NXPH1: variants seen among roughly 807,000 people sequenced by gnomAD.
The protein encoded by NXPH1 is neurexophilin 1.
In NXPH1, 5 loss-of-function variants were observed where a neutral mutation model predicts 23.7. The observed-to-expected ratio is 0.21, with a 90% CI of 0.11 to 0.44. NXPH1 has a LOEUF of 0.44. Among genes scored for constraint, NXPH1 ranks in the 20% least tolerant of loss-of-function variants. NXPH1 has a pLI of 0.99. For synonymous variants in NXPH1, 144 were observed against 122.2 expected (o/e 1.18, Z -1.18); for missense variants, 324 against 321.6 (o/e 1.01, Z -0.06).
At chr7:8,534,046 A>T (rs1817990147) in intron 2 of NXPH1, among the ~76,000 whole-genome samples, 1 of 152,154 alleles carries the variant, frequency 6.6e-6, no homozygotes, top group South Asian at 2.1e-4. Context: ...TGATGCCAAA[A>T]CTTATTAGTT....
intron 2 of NXPH1, among the ~76,000 whole-genome samples, chr7:8,487,576 T>TC: frequency 6.6e-6 from 1 of 152,152 alleles, no homozygotes; most frequent in Non-Finnish European, 1.5e-5. Context: ...CTCTTGTCCT[T>TC]CCATTTTATC....
At chr7:8,688,673 TGG>T (rs551188459) in intron 2 of NXPH1, among the ~76,000 whole-genome samples, 136 of 152,310 alleles carry the variant, frequency 8.9e-4, no homozygotes, top group Non-Finnish European at 1.6e-3. Context: ...TATAAGGCTT[TGG>T]CACTCATCAG....
intron 2 of NXPH1, among the ~76,000 whole-genome samples, chr7:8,692,092 G>T (rs1375467157): frequency 6.6e-6 from 1 of 151,780 alleles, no homozygotes; most frequent in African/African-American, 2.4e-5. Flanking sequence ...AGGGAGGTTG[G>T]AGTGAGCAGA....
At chr7:8,749,225 G>A (rs1232774209) in intron 2 of NXPH1, among the ~76,000 whole-genome samples, 1 of 152,104 alleles carries the variant, frequency 6.6e-6, no homozygotes, top group Non-Finnish European at 1.5e-5. Flanking sequence ...CTGTTCTAAA[G>A]GTTTTACCTG....
At chr7:8,713,744 A>G (rs1314842235) in intron 2 of NXPH1, among the ~76,000 whole-genome samples, 1 of 152,210 alleles carries the variant, frequency 6.6e-6, no homozygotes, top group Non-Finnish European at 1.5e-5. Context: ...GGTCTTGGAT[A>G]AGATCCAGAA....
chr7:8,598,711 A>G (rs1819286388), intron 2 of NXPH1, among the ~76,000 whole-genome samples: 1 of 152,148 alleles, frequency 6.6e-6, no homozygotes, highest in Non-Finnish European at 1.5e-5. Context: ...TATCTCTGTT[A>G]TTATTGTCAT....
Position 8,669,240 on chromosome 7 carries a change from C to A in NXPH1, c.55-81768C>A, listed in dbSNP as rs143514100. 2.4e-3 allele frequency among the ~76,000 whole-genome samples: 362 copies of A among 152,282 alleles called. 4 individuals carry two copies. Among genetic ancestry groups the A allele is most frequent in the African/African-American group, 8.1e-3 (335 of 41,552 alleles). On this transcript the variant is annotated intron_variant, in intron 2 of 2. Coordinates refer to ENST00000405863, the MANE Select transcript of NXPH1 (RefSeq NM_152745.3). ...CGTCCATGGGTGCCAGCCTAGGTCC[C>A]AAGACCAGGAGTGCTTAGCTAGCCC...
At chr7:8,700,516 T>C (rs1779609079) in intron 2 of NXPH1, among the ~76,000 whole-genome samples, 1 of 152,168 alleles carries the variant, frequency 6.6e-6, no homozygotes, top group Non-Finnish European at 1.5e-5. Flanking sequence ...CGGCCTATTA[T>C]AGAGATAAGT....
At chr7:8,503,430 C>A (rs1007448944) in intron 2 of NXPH1, among the ~76,000 whole-genome samples, 1 of 151,962 alleles carries the variant, frequency 6.6e-6, no homozygotes, top group Admixed American at 6.6e-5. Context: ...TTGCATTATC[C>A]TGTGACTTTA....
At chr7:8,675,289 G>A (rs2882245) in intron 2 of NXPH1, among the ~76,000 whole-genome samples, 121,785 of 151,736 alleles carry the variant, frequency 0.8, 49,568 homozygotes, top group East Asian at 1. Context: ...TGTAACATCT[G>A]TTTAATAATT....
rs1436942050 is a variant in NXPH1, at chr7:8,442,036, C to T, written c.54+6269C>T. Reference sequence around the variant, plus strand: ...TTCGGGGTGGTGGAAAGCGAGATGGCGTTGGGAGCCAGGGCGTTGGGACGG... The same window carrying T: ...TTCGGGGTGGTGGAAAGCGAGATGGTGTTGGGAGCCAGGGCGTTGGGACGG... On this transcript the variant is annotated intron_variant, in intron 2 of 2. Coordinates refer to ENST00000405863, the MANE Select transcript of NXPH1 (RefSeq NM_152745.3). The surrounding 1 kb of genome is among the most constrained non-coding windows in gnomAD (Gnocchi z 4.6). 6.6e-6 allele frequency among the ~76,000 whole-genome samples: 1 copy of T among 152,016 alleles called. No homozygotes were observed. Among genetic ancestry groups the T allele is most frequent in the African/African-American group, 2.4e-5 (1 of 41,398 alleles).
At chr7:8,632,195 C>T (rs4410795) in intron 2 of NXPH1, among the ~76,000 whole-genome samples, 41,888 of 151,914 alleles carry the variant, frequency 0.28, 6,238 homozygotes, top group African/African-American at 0.35. Context: ...TTTCTTCCTC[C>T]AATTAATTTA....
At chr7:8,524,282 C>G (rs1235417507) in intron 2 of NXPH1, among the ~76,000 whole-genome samples, 1 of 143,896 alleles carries the variant, frequency 6.9e-6, no homozygotes, top group Non-Finnish European at 1.5e-5. Flanking sequence ...TATTTTCATA[C>G]TTGTGAATCC....
chr7:8,535,536 G>GA (rs370141643), intron 2 of NXPH1, among the ~76,000 whole-genome samples: 153 of 150,044 alleles, frequency 1.0e-3, no homozygotes, highest in Non-Finnish European at 1.8e-3. Context: ...TATAGCACTG[G>GA]AAAAAAAAAT....
intron 2 of NXPH1, among the ~76,000 whole-genome samples, chr7:8,590,889 C>A (rs865784252): frequency 6.6e-6 from 1 of 151,968 alleles, no homozygotes; most frequent in African/African-American, 2.4e-5. Context: ...TTGAACTGTT[C>A]CTATTTTTAA....
intron 2 of NXPH1, among the ~76,000 whole-genome samples, chr7:8,447,461 T>G (rs1452448749): frequency 6.6e-6 from 1 of 152,262 alleles, no homozygotes; most frequent in Non-Finnish European, 1.5e-5. Context: ...TTTTGCGTCT[T>G]TCACAAGAAA....
chr7:8,721,612 T>TA (rs1056528355), intron 2 of NXPH1, among the ~76,000 whole-genome samples: 9 of 151,872 alleles, frequency 5.9e-5, no homozygotes, highest in Non-Finnish European at 1.3e-4. Flanking sequence ...TGTCTCCACT[T>TA]AAAAAAATAC....
At chr7:8,494,535 T>A (rs781421099) in intron 2 of NXPH1, among the ~76,000 whole-genome samples, 1 of 152,016 alleles carries the variant, frequency 6.6e-6, no homozygotes, top group Non-Finnish European at 1.5e-5. Context: ...AGAGTGAAGA[T>A]CACAATCACA....
chr7:8,471,599 A>G lies in NXPH1; in HGVS notation c.54+35832A>G, dbSNP rs116231947. ...AAAAGATCTTGACTTGGCATGGAAC[A>G]GTAGGAGGAAGGATTCATCCATGGC... On this transcript the variant is annotated intron_variant, in intron 2 of 2. Coordinates refer to ENST00000405863, the MANE Select transcript of NXPH1 (RefSeq NM_152745.3). Among the ~76,000 whole-genome samples, 912 of 152,260 alleles carry G rather than the reference A, an allele frequency of 6.0e-3. 8 individuals are homozygous for G. Among genetic ancestry groups the G allele is most frequent in the African/African-American group, 0.021 (883 of 41,570 alleles).
Sources: allele counts gnomAD v4.1 joint callset (sites outside exome capture counted in the v4.1 genomes callset), GRCh38; gene constraint gnomAD v4.1.1; non-coding constraint Gnocchi (gnomAD v3.1); transcripts MANE v1.5; gene names NCBI Gene and HGNC (gene_info 2026-07-23, HGNC 2026-07-21).